CFAP251: variants seen among roughly 807,000 people sequenced by gnomAD.
CFAP251 encodes cilia- and flagella-associated protein 251.
A neutral mutation model predicts 126.7 loss-of-function variants in CFAP251; 93 were observed. The ratio of observed to expected loss-of-function variants is 0.73; its 90% CI spans 0.62 to 0.87. The LOEUF (loss-of-function observed/expected upper bound fraction) is 0.87. CFAP251 is among the 40% of genes least tolerant of loss of function. The pLI, the probability that CFAP251 is intolerant of heterozygous loss-of-function variation, is 0.00. For missense variants in CFAP251, 1,287 were observed against 1,389.2 expected, an observed-to-expected ratio of 0.93 and a Z score of 1.17; for synonymous variants, 503 against 506.9, an observed-to-expected ratio of 0.99 and a Z score of 0.10.
At position 121,974,139 on chromosome 12, in the gene CFAP251, A is replaced by C. The variant is rs1882400043; in HGVS notation, c.2772-1105A>C. ...CATGCTGTTCCCATGGTAGTGAATA[A>C]GTCTCATGAGATCTGATGGTTTGAT... On this transcript the variant is annotated intron_variant, in intron 17 of 21. Coordinates refer to ENST00000288912, the MANE Select transcript of CFAP251 (RefSeq NM_144668.6). The surrounding 1 kb of genome is among the most constrained non-coding windows in gnomAD (Gnocchi z 4.6). Among the ~76,000 whole-genome samples the C allele has an allele frequency of 6.6e-6, 1 of 152,086 alleles. No individual in the cohort carries two copies.
chr12:121,954,130 A>G lies in CFAP251; in HGVS notation c.1331A>G (p.Lys444Arg). ...APLLTEKTFNKLVGKFSQSIF... is the reference protein window; with the variant it reads ...APLLTEKTFNRLVGKFSQSIF... ...TTTCTTTTGAAACAGACCTTCAACAAGCTTGTGGGAAAGTTTAGCCAGTCC... is the reference window on the plus strand; with the variant it reads ...TTTCTTTTGAAACAGACCTTCAACAGGCTTGTGGGAAAGTTTAGCCAGTCC... Residue 444 changes from lysine to arginine, a missense_variant, in exon 10 of 22, where the codon AAG becomes AGG. Lys to Arg is a conservative substitution (Grantham distance 26). Coordinates refer to ENST00000288912, the MANE Select transcript of CFAP251 (RefSeq NM_144668.6). The G allele has an allele frequency of 6.2e-7, 1 of 1,614,046 alleles. No homozygotes were observed. Among genetic ancestry groups the G allele is most frequent in the Non-Finnish European group, 8.5e-7 (1 of 1,179,988 alleles).
intron 15 of CFAP251, among the ~76,000 whole-genome samples, chr12:121,966,635 G>A (rs796308509): frequency 3.5e-4 from 51 of 145,022 alleles, no homozygotes; most frequent in African/African-American, 1.2e-3. Flanking sequence ...ACCTAGGCTG[G>A]AGTACAGTGG....
chr12:121,973,683 A>G (rs538082671), intron 17 of CFAP251, among the ~76,000 whole-genome samples: 1 of 152,320 alleles, frequency 6.6e-6, no homozygotes, highest in South Asian at 2.1e-4. Flanking sequence ...AAAGGAGATC[A>G]TTTTGGAGCT....
chr12:121,991,332 G>A (rs916746106), intron 19 of CFAP251, among the ~76,000 whole-genome samples: 2 of 152,154 alleles, frequency 1.3e-5, no homozygotes, highest in East Asian at 1.9e-4. Flanking sequence ...AGCGTGCACC[G>A]CAGCTGCCAC....
chr12:121,968,208 C>T lies in CFAP251; in HGVS notation c.2771+39C>T, dbSNP rs1882216222. On this transcript the variant is annotated intron_variant, in intron 17 of 21. Transcript: ENST00000288912. ...CGAGAAGGAAGGTATCAAGTGTAAA[C>T]TCCTTTTCACTCAGCAACAGTGATA... 6 of 1,556,656 alleles carry T rather than the reference C, an allele frequency of 3.9e-6. No homozygotes were observed. The African/African-American group carries it at 5.4e-5, about 14-fold the overall frequency.
intron 5 of CFAP251, among the ~76,000 whole-genome samples, chr12:121,940,480 C>G (rs1881065653): frequency 6.6e-6 from 1 of 152,144 alleles, no homozygotes; most frequent in Non-Finnish European, 1.5e-5. Flanking sequence ...CCTAGCGTGA[C>G]ATACAGAGAT....
At position 121,962,111 on chromosome 12, in the gene CFAP251, G is replaced by C. The variant is rs1182809679; in HGVS notation, c.2441G>C (p.Cys814Ser). Residue 814 changes from cysteine to serine, a missense_variant, in exon 15 of 22, where the codon TGC becomes TCC. Physicochemically the swap from Cys to Ser is moderately radical, Grantham distance 112. Coordinates refer to ENST00000288912, the MANE Select transcript of CFAP251 (RefSeq NM_144668.6). ...PLTRELFLLICNSGYKVKLFN... is the reference protein window; with the variant it reads ...PLTRELFLLISNSGYKVKLFN... The stretch of plus-strand genomic sequence containing the variant: ...ACCAGGGAACTCTTCCTGCTTATTT[G>C]CAACAGTGGCTACAAAGTGAAGCTT... 2 of 1,613,820 alleles carry C rather than the reference G, an allele frequency of 1.2e-6. No individual in the cohort carries two copies. The highest frequency in any genetic ancestry group is 1.7e-6 in the Non-Finnish European group (2 of 1,180,048).
Position 121,934,360 on chromosome 12 carries a change from G to A in CFAP251, c.998+4G>A, listed in dbSNP as rs1209386355. 1.5e-5 allele frequency: 24 copies of A among 1,608,056 alleles called. No homozygotes were observed. The highest frequency in any genetic ancestry group is 2.0e-5 in the Non-Finnish European group (23 of 1,175,204). On this transcript the variant is annotated splice_donor_region_variant and intron_variant, in intron 5 of 21. Transcript: ENST00000288912. The stretch of plus-strand genomic sequence containing the variant: ...TTATATGGGACTCCTTCACAGGGTA[G>A]GCTTTGTGTAGCCACTTCTTTTTTC...
intron 7 of CFAP251, chr12:121,947,725 A>C (rs1322784371): frequency 6.6e-6 from 1 of 152,230 alleles, no homozygotes; most frequent in Non-Finnish European, 1.5e-5. Flanking sequence ...AAAGGCACTT[A>C]GCAGAGTGGT....
chr12:122,003,366 G>A (rs866938236), intron 21 of CFAP251, among the ~76,000 whole-genome samples: 1 of 152,156 alleles, frequency 6.6e-6, no homozygotes, highest in Non-Finnish European at 1.5e-5. Context: ...GAAGCCAGCA[G>A]TTTGAGATCA....
chr12:121,921,379 A>G lies in CFAP251; in HGVS notation c.74A>G (p.Glu25Gly), dbSNP rs1381008745. Residue 25 changes from glutamate to glycine, a missense_variant, in exon 2 of 22, where the codon GAA becomes GGA. Physicochemically the swap from Glu to Gly is moderately conservative, Grantham distance 98. Coordinates refer to ENST00000288912, the MANE Select transcript of CFAP251 (RefSeq NM_144668.6). ...NGETEMKEEE[E>G]PNPNYKEVED... Reference sequence around the variant, plus strand: ...GAAACAGAAATGAAAGAAGAGGAGGAACCTAATCCAAATTATAAAGAAGTA... The same window carrying G: ...GAAACAGAAATGAAAGAAGAGGAGGGACCTAATCCAAATTATAAAGAAGTA... The G allele has an allele frequency of 6.2e-7, 1 of 1,612,980 alleles. No individual in the cohort carries two copies. Among genetic ancestry groups the G allele is most frequent in the East Asian group, 2.2e-5 (1 of 44,880 alleles).
In CFAP251 at chr12:122,003,857, C is replaced by T; in HGVS notation, c.*93C>T. The T allele has an allele frequency of 4.7e-6, 4 of 852,010 alleles. No homozygotes were observed. Among genetic ancestry groups the T allele is most frequent in the South Asian group, 2.0e-5 (1 of 49,470 alleles). 52.8% of individuals were successfully genotyped at this position (852,010 alleles called of 1,614,324 possible). On this transcript the variant is annotated 3_prime_UTR_variant, in exon 22 of 22. Coordinates refer to ENST00000288912, the MANE Select transcript of CFAP251 (RefSeq NM_144668.6). ...ATGAGGCACTGCTTTTTATGCATTTCCCTCCCCCCTCTCATCTTTAGAACA... is the reference window on the plus strand; with the variant it reads ...ATGAGGCACTGCTTTTTATGCATTTTCCTCCCCCCTCTCATCTTTAGAACA...
chr12:121,932,866 T>C (rs1880746320), intron 4 of CFAP251: 2 of 152,306 alleles, frequency 1.3e-5, no homozygotes, highest in Non-Finnish European at 2.9e-5. Context: ...AACACAGTGG[T>C]GATGGCAGAG....
chr12:121,932,002 C>A, intron 4 of CFAP251, 116 bp downstream of exon 4: 1 of 1,070,054 alleles, frequency 9.3e-7, no homozygotes, highest in East Asian at 2.9e-5. Context: ...TTCCCACTCT[C>A]CTTGGAACTA....
chr12:121,940,925 T>C (rs1181624817), intron 5 of CFAP251, among the ~76,000 whole-genome samples: 3 of 152,198 alleles, frequency 2.0e-5, no homozygotes, highest in African/African-American at 7.2e-5. Flanking sequence ...GATGATGCGA[T>C]TGTTTTGCAG....
At chr12:121,957,026 A>G (rs1452104567) in intron 10 of CFAP251, 48 bp from the exon 11 acceptor site, 4 of 1,443,748 alleles carry the variant, frequency 2.8e-6, no homozygotes, top group South Asian at 1.4e-5. Context: ...TATAGATGCT[A>G]CTTGTTATTA....
intron 7 of CFAP251, among the ~76,000 whole-genome samples, chr12:121,945,997 T>G (rs1039636835): frequency 2.6e-5 from 4 of 152,186 alleles, no homozygotes; most frequent in African/African-American, 9.7e-5. Flanking sequence ...ATTACATCAC[T>G]CCTGTACTTA....
intron 5 of CFAP251, among the ~76,000 whole-genome samples, chr12:121,937,516 G>C (rs1880941084): frequency 6.6e-6 from 1 of 152,212 alleles, no homozygotes; most frequent in Non-Finnish European, 1.5e-5. Flanking sequence ...AGGATCACTA[G>C]AGCGCAGCAC....
intron 19 of CFAP251, 52 bp from the exon 20 acceptor site, chr12:121,999,663 TG>T: frequency 1.4e-6 from 2 of 1,421,322 alleles, no homozygotes; most frequent in Non-Finnish European, 1.9e-6. Context: ...AAATCTATCC[TG>T]GTGCCTTTTC....
Sources: allele counts gnomAD v4.1 joint callset (sites outside exome capture counted in the v4.1 genomes callset), GRCh38; gene constraint gnomAD v4.1.1; non-coding constraint Gnocchi (gnomAD v3.1); transcripts MANE v1.5; gene names NCBI Gene and HGNC (gene_info 2026-07-23, HGNC 2026-07-21).